Variants in PRDM1 observed in about 807,000 individuals in gnomAD.
PRDM1 encodes the protein PR/SET domain 1.
PRDM1 carries 13 observed loss-of-function variants against 62.8 expected under a neutral mutation model. The ratio of observed to expected loss-of-function variants is 0.21; its 90% CI spans 0.13 to 0.33. The LOEUF is 0.33. PRDM1 is among the 10% of genes least tolerant of loss of function. PRDM1 has a pLI of 1.00. For missense variants in PRDM1, 895 were observed against 1,058.8 expected, an observed-to-expected ratio of 0.85 and a Z score of 2.15; for synonymous variants, 396 against 417.6, an observed-to-expected ratio of 0.95 and a Z score of 0.63.
At chr6:106,017,907 C>T (rs1772643459) in intron 1 of PRDM1, among the ~76,000 whole-genome samples, 1 of 152,154 alleles carries the variant, frequency 6.6e-6, no homozygotes, top group Admixed American at 6.5e-5. Context: ...TTTCTTATTT[C>T]AAACGTGTGC....
intron 1 of PRDM1, among the ~76,000 whole-genome samples, chr6:106,073,362 A>T (rs1303538768): frequency 6.6e-6 from 1 of 151,776 alleles, no homozygotes; most frequent in Non-Finnish European, 1.5e-5. Context: ...TGATCCACTC[A>T]CCTTGGCCTC....
At chr6:106,047,722 A>G (rs894513239), upstream of PRDM1, among the ~76,000 whole-genome samples, 1 of 152,200 alleles carries the variant, frequency 6.6e-6, no homozygotes, top group Non-Finnish European at 1.5e-5. Flanking sequence ...AAGTAAGAAA[A>G]CCATTTCTGG....
chr6:106,080,705 T>A (rs938279721), intron 1 of PRDM1, among the ~76,000 whole-genome samples: 5 of 152,196 alleles, frequency 3.3e-5, no homozygotes, highest in Non-Finnish European at 7.3e-5. Flanking sequence ...GCAGTACACA[T>A]CCTAATACTT....
intron 1 of PRDM1, among the ~76,000 whole-genome samples, chr6:106,004,851 TAA>T (rs761081740): frequency 2.1e-4 from 32 of 152,330 alleles, no homozygotes; most frequent in Non-Finnish European, 4.1e-4. Flanking sequence ...AGATGCTTGT[TAA>T]AAATGTATCC....
chr6:106,040,100 G>C (rs1439213534), intron 1 of PRDM1, among the ~76,000 whole-genome samples: 1 of 152,246 alleles, frequency 6.6e-6, no homozygotes, highest in Non-Finnish European at 1.5e-5. Context: ...AGGAAGAAAT[G>C]ATTAAGCAGC....
intron 1 of PRDM1, among the ~76,000 whole-genome samples, chr6:106,049,745 C>T (rs1189965031): frequency 6.6e-6 from 1 of 152,186 alleles, no homozygotes; most frequent in Non-Finnish European, 1.5e-5. Flanking sequence ...GAAACTTGTG[C>T]CTTCTCCGTG....
At chr6:106,027,863 T>A (rs959426855) in intron 1 of PRDM1, among the ~76,000 whole-genome samples, 1 of 152,224 alleles carries the variant, frequency 6.6e-6, no homozygotes, top group Admixed American at 6.5e-5. Context: ...CAGCTCCTAA[T>A]GCTGGGTCTC....
intron 2 of PRDM1, among the ~76,000 whole-genome samples, chr6:106,095,352 A>G (rs1774082515): frequency 6.6e-6 from 1 of 152,198 alleles, no homozygotes; most frequent in African/African-American, 2.4e-5. Flanking sequence ...ATAAAAATAA[A>G]AGATCCCGTA....
rs1161651127 is a variant in PRDM1, at chr6:106,109,029, A to T, written c.*1543A>T. On this transcript the variant is annotated 3_prime_UTR_variant, in exon 7 of 7. Coordinates refer to ENST00000369096, the MANE Select transcript of PRDM1 (RefSeq NM_001198.4). ...ATTTATACCACTATATCATATGTAT[A>T]TATATTTATAACCACTTAAATTGTG... The T allele has an allele frequency of 1.5e-5, 3 of 204,282 alleles. No homozygotes were observed. Among genetic ancestry groups the T allele is most frequent in the African/African-American group, 2.3e-5 (1 of 43,142 alleles). The allele number at this position is 204,282 out of a possible 1,614,324, so 12.7% of individuals were successfully genotyped here. A position where few individuals can be genotyped will look rare whatever the true frequency, so the allele number is the denominator to read the frequency against.
In PRDM1 at chr6:106,091,864, G is replaced by C. The variant is rs574013895; in HGVS notation, c.291+3415G>C. ...TAAATAAATAAAATAAAATAAAAAT[G>C]AGGTGATTGCAGGCTGAAGGTCTTG... On this transcript the variant is annotated intron_variant, in intron 2 of 6. Transcript: ENST00000369096. 3.9e-5 allele frequency among the ~76,000 whole-genome samples: 6 copies of C among 152,274 alleles called. No individual in the cohort carries two copies. In the East Asian group the frequency reaches 1.2e-3, roughly 29 times the overall value.
intron 1 of PRDM1, among the ~76,000 whole-genome samples, chr6:106,037,614 T>A (rs1206636963): frequency 6.6e-6 from 1 of 152,178 alleles, no homozygotes; most frequent in Non-Finnish European, 1.5e-5. Context: ...CTGATTTTTT[T>A]CTTCTGCCTG....
intron 1 of PRDM1, among the ~76,000 whole-genome samples, chr6:106,037,249 C>A (rs190769183): frequency 6.6e-6 from 1 of 152,202 alleles, no homozygotes; most frequent in East Asian, 1.9e-4. Flanking sequence ...CCTAAAATTC[C>A]TGATGAGAAA....
At chr6:106,091,173 G>A (rs1392704393) in intron 2 of PRDM1, among the ~76,000 whole-genome samples, 1 of 151,932 alleles carries the variant, frequency 6.6e-6, no homozygotes, top group African/African-American at 2.4e-5. Flanking sequence ...GCGTTACCCT[G>A]TAGAGTTTCT....
At chr6:106,047,736 CAA>C (rs1773103266), upstream of PRDM1, among the ~76,000 whole-genome samples, 1 of 152,188 alleles carries the variant, frequency 6.6e-6, no homozygotes. Context: ...TTTCTGGTGA[CAA>C]AGAGAGTAGG....
chr6:106,015,091 G>A (rs1013981987), intron 1 of PRDM1, among the ~76,000 whole-genome samples: 3 of 152,170 alleles, frequency 2.0e-5, no homozygotes, highest in Non-Finnish European at 4.4e-5. Context: ...CCCTTTGCTG[G>A]GATGGATAAC....
chr6:106,087,889 C>T (rs896964392), intron 1 of PRDM1: 1 of 259,644 alleles, frequency 3.9e-6, no homozygotes. Flanking sequence ...GTGCCCAGAA[C>T]ATTTTTCTGC....
chr6:106,083,036 T>C (rs1240356547), upstream of PRDM1, among the ~76,000 whole-genome samples: 4 of 152,006 alleles, frequency 2.6e-5, no homozygotes, highest in African/African-American at 7.3e-5. Flanking sequence ...TGATTTGAGT[T>C]GAAAAGGCTG....
rs1774632246 is a variant in PRDM1 at position 106,109,658 on chromosome 6, T to C, written c.*2172T>C. 8.6e-6 allele frequency: 2 copies of C among 233,484 alleles called. No individual in the cohort carries two copies. The highest frequency in any genetic ancestry group is 1.1e-4 in the Admixed American group (2 of 17,790). The allele number at this position is 233,484 out of a possible 1,614,324, so 14.5% of individuals were successfully genotyped here. Reference sequence around the variant, plus strand: ...TTCCCAACTACTCGTTTGTTCTTTTTCTCCTTTTGTGCTTTCCCATAGTGA... The same window carrying C: ...TTCCCAACTACTCGTTTGTTCTTTTCCTCCTTTTGTGCTTTCCCATAGTGA... On this transcript the variant is annotated 3_prime_UTR_variant, in exon 7 of 7. Transcript: ENST00000369096.
intron 1 of PRDM1, among the ~76,000 whole-genome samples, chr6:106,038,275 A>G (rs920136424): frequency 6.6e-6 from 1 of 151,724 alleles, no homozygotes; most frequent in African/African-American, 2.4e-5. Context: ...GTGAGCCACC[A>G]TACCCAGCCT....
Sources: allele counts gnomAD v4.1 joint callset (sites outside exome capture counted in the v4.1 genomes callset), GRCh38; gene constraint gnomAD v4.1.1; transcripts MANE v1.5; gene names NCBI Gene and HGNC (gene_info 2026-07-23, HGNC 2026-07-21).